RFC3: variants seen among roughly 807,000 people sequenced by gnomAD.
RFC3 encodes the protein A1 38 kDa subunit.
RFC3 carries 41 observed loss-of-function variants against 45.1 expected under a neutral mutation model. That is an observed-to-expected ratio of 0.91 (90% CI 0.71 to 1.18). The LOEUF (loss-of-function observed/expected upper bound fraction) is 1.18, where lower values mean the gene tolerates loss of function less well. Among genes scored for constraint, RFC3 ranks in the 50% most tolerant of loss-of-function variants. RFC3 has a pLI of 0.00. For missense variants in RFC3, 423 were observed against 428.1 expected, an observed-to-expected ratio of 0.99 and a Z score of 0.10; for synonymous variants, 149 against 144.0, an observed-to-expected ratio of 1.03 and a Z score of -0.25.
At chr13:33,856,220 C>T (rs546786511) in intron 8 of RFC3, among the ~76,000 whole-genome samples, 5 of 152,250 alleles carry the variant, frequency 3.3e-5, no homozygotes, top group African/African-American at 7.2e-5. Context: ...TTTTCTTTAG[C>T]AAACTAATTC....
chr13:33,883,503 T>TAC, intron 8 of RFC3, among the ~76,000 whole-genome samples: 1 of 152,050 alleles, frequency 6.6e-6, no homozygotes. Flanking sequence ...TAACTAAAAT[T>TAC]ACACACACAC....
intron 8 of RFC3, among the ~76,000 whole-genome samples, chr13:33,853,793 C>A (rs1438064307): frequency 6.6e-6 from 1 of 152,060 alleles, no homozygotes; most frequent in Non-Finnish European, 1.5e-5. Flanking sequence ...CTAAGAAAAC[C>A]CAAGTCACTG....
At chr13:33,916,379 A>G (rs17080155) in intron 8 of RFC3, among the ~76,000 whole-genome samples, 2 of 152,120 alleles carry the variant, frequency 1.3e-5, no homozygotes, top group East Asian at 1.9e-4. Flanking sequence ...TTTTGCTTGT[A>G]TATTATTCTA....
intron 2 of RFC3, among the ~76,000 whole-genome samples, 185 bp from the exon 3 acceptor site, chr13:33,823,732 C>G (rs1424253480): frequency 6.6e-6 from 1 of 151,476 alleles, no homozygotes; most frequent in Non-Finnish European, 1.5e-5. Context: ...TGTGATTGAC[C>G]CAATTTATAT....
intron 8 of RFC3, among the ~76,000 whole-genome samples, chr13:33,914,898 A>T (rs1473652385): frequency 6.6e-6 from 1 of 152,170 alleles, no homozygotes; most frequent in Non-Finnish European, 1.5e-5. Flanking sequence ...AGAGCAAACA[A>T]AACTGAAAAT....
At chr13:33,964,387 A>G (rs2083075346) in intron 8 of RFC3, among the ~76,000 whole-genome samples, 1 of 152,208 alleles carries the variant, frequency 6.6e-6, no homozygotes, top group Admixed American at 6.6e-5. Context: ...TGTGGATTCC[A>G]TTCAGAAGTA....
chr13:33,896,587 G>C (rs922848874), intron 8 of RFC3, among the ~76,000 whole-genome samples: 1 of 151,248 alleles, frequency 6.6e-6, no homozygotes, highest in Non-Finnish European at 1.5e-5. Context: ...AGCTAGGAGT[G>C]GTGGTCCCCA....
intron 8 of RFC3, among the ~76,000 whole-genome samples, chr13:33,899,284 A>G (rs929593347): frequency 7.3e-5 from 11 of 151,496 alleles, no homozygotes; most frequent in African/African-American, 2.7e-4. Context: ...AAAATTCTCA[A>G]CAAAATACGA....
chr13:33,858,210 A>C (rs2082319419), intron 8 of RFC3, among the ~76,000 whole-genome samples: 1 of 152,132 alleles, frequency 6.6e-6, no homozygotes, highest in Admixed American at 6.6e-5. Flanking sequence ...AGCTTGGCCA[A>C]ATGACTTCTC....
chr13:33,833,318 GTTAT>G (rs2082121080), intron 7 of RFC3, among the ~76,000 whole-genome samples: 1 of 151,776 alleles, frequency 6.6e-6, no homozygotes, highest in South Asian at 2.1e-4. Context: ...CTTACACCGT[GTTAT>G]TTAATTGATA....
At chr13:33,834,651 T>G (rs2082136884) in intron 7 of RFC3, among the ~76,000 whole-genome samples, 1 of 152,112 alleles carries the variant, frequency 6.6e-6, no homozygotes, top group South Asian at 2.1e-4. Context: ...GCGTATATTA[T>G]CTTGTGTCAC....
intron 8 of RFC3, among the ~76,000 whole-genome samples, chr13:33,859,716 AAAAT>A (rs1000304638): frequency 5.9e-5 from 9 of 152,226 alleles, no homozygotes; most frequent in East Asian, 1.9e-4. Flanking sequence ...TTTGAAATAA[AAAAT>A]AAAGTTGCCA....
chr13:33,914,713 C>G (rs1455538650), intron 8 of RFC3, among the ~76,000 whole-genome samples: 1 of 152,094 alleles, frequency 6.6e-6, no homozygotes. Flanking sequence ...TTAAGAATGA[C>G]AATCCCATTT....
At chr13:33,900,752 A>G (rs1363613690) in intron 8 of RFC3, among the ~76,000 whole-genome samples, 2 of 151,956 alleles carry the variant, frequency 1.3e-5, no homozygotes, top group African/African-American at 2.4e-5. Context: ...AACCCACAGA[A>G]TGGGAGAAAA....
intron 8 of RFC3, among the ~76,000 whole-genome samples, chr13:33,905,505 A>G (rs1461842606): frequency 6.6e-6 from 1 of 152,076 alleles, no homozygotes; most frequent in Admixed American, 6.6e-5. Flanking sequence ...TAAAATAAAA[A>G]TCTAAATGGC....
chr13:33,889,925 GAGAAC>G (rs766419360), intron 8 of RFC3, among the ~76,000 whole-genome samples: 5 of 152,218 alleles, frequency 3.3e-5, no homozygotes, highest in Non-Finnish European at 7.3e-5. Context: ...GATGAAGCTG[GAGAAC>G]AAAGACATTT....
intron 8 of RFC3, among the ~76,000 whole-genome samples, chr13:33,950,447 A>G (rs1401901213): frequency 6.6e-6 from 1 of 152,226 alleles, no homozygotes; most frequent in Non-Finnish European, 1.5e-5. Context: ...TGACCTGTGG[A>G]TCCCTAAAAG....
At chr13:33,974,341 T>C in the RFC3 span, among the ~76,000 whole-genome samples, 41 of 152,352 alleles carry the variant, frequency 2.7e-4, no homozygotes, top group Non-Finnish European at 4.1e-4. Flanking sequence ...CTCACTTTGA[T>C]TGTGTGTGGA....
chr13:33,878,932 C>T (rs1769391190), intron 8 of RFC3, among the ~76,000 whole-genome samples: 1 of 152,054 alleles, frequency 6.6e-6, no homozygotes, highest in Admixed American at 6.6e-5. Context: ...GTGAAAATTT[C>T]AGGCAAGCAT....
Sources: allele counts gnomAD v4.1 joint callset (sites outside exome capture counted in the v4.1 genomes callset), GRCh38; gene constraint gnomAD v4.1.1; transcripts MANE v1.5; gene names NCBI Gene and HGNC (gene_info 2026-07-23, HGNC 2026-07-21).